The following CABLES2 variants were observed in gnomAD, a reference collection of about 807,000 sequenced individuals.
CABLES2 encodes the protein Cdk5 and Abl enzyme substrate 2.
A neutral mutation model predicts 44.8 loss-of-function variants in CABLES2; 35 were observed. That is an observed-to-expected ratio of 0.78 (90% confidence interval 0.60 to 1.04). CABLES2 has a LOEUF of 1.04. Among genes scored for constraint, CABLES2 ranks in the 50% least tolerant of loss-of-function variants. The probability of loss-of-function intolerance (pLI) is 0.00; values close to 1 mark genes in which losing one functional copy is unlikely to be tolerated. For missense variants in CABLES2, 566 were observed against 615.7 expected (o/e 0.92, Z 0.85); for synonymous variants, 282 against 281.1 (o/e 1.00, Z -0.03).
chr20:62,392,304 GCTGGAGAGAATCTACCAGAAA>G, intron 8 of CABLES2, 64 bp downstream of exon 8: 1 of 1,009,232 alleles, frequency 9.9e-7, no homozygotes, highest in Admixed American at 1.8e-5. Flanking sequence ...GACTTGTCAA[GCTGGAGAGAATCTACCAGAAA>G]CTGGAGAGGA....
chr20:62,393,644 C>G (rs372903450), intron 5 of CABLES2, 39 bp from the exon 6 acceptor site: 11 of 1,527,760 alleles, frequency 7.2e-6, no homozygotes, highest in Admixed American at 2.0e-5. Context: ...CTCTGCCTCC[C>G]GGGACCAGAG....
chr20:62,400,364 T>G (rs1201734483), intron 1 of CABLES2, among the ~76,000 whole-genome samples: 1 of 152,082 alleles, frequency 6.6e-6, no homozygotes, highest in Non-Finnish European at 1.5e-5. Flanking sequence ...TGAGGGGGTG[T>G]GTGGCAGACG....
At chr20:62,398,455 C>G (rs1315972905) in intron 1 of CABLES2, among the ~76,000 whole-genome samples, 1 of 152,054 alleles carries the variant, frequency 6.6e-6, no homozygotes, top group Non-Finnish European at 1.5e-5. Context: ...ATGGGGCATT[C>G]TCAGCGTGTC....
At position 62,393,601 on chromosome 20, in the gene CABLES2, A is replaced by G; in HGVS notation, c.719T>C (p.Val240Ala). Residue 240 changes from valine to alanine, a missense_variant, in exon 6 of 10, where the codon GTG becomes GCG. By Grantham distance (64) the Val-to-Ala change is moderately conservative. Transcript: ENST00000279101. Reference sequence around the variant, plus strand: ...GGGATACAGGAACTTCGCATAAGACACGACCTGGAAAAGCAAATGCATCTG... The same window carrying G: ...GGGATACAGGAACTTCGCATAAGACGCGACCTGGAAAAGCAAATGCATCTG... ...GVELGADGKV[V>A]SYAKFLYPTN... 1 of 1,579,430 alleles carries G rather than the reference A, an allele frequency of 6.3e-7. No individual in the cohort carries two copies. Among genetic ancestry groups the G allele is most frequent in the South Asian group, 1.2e-5 (1 of 86,726 alleles).
chr20:62,398,157 A>ATGG (rs1988100145), intron 1 of CABLES2, among the ~76,000 whole-genome samples: 1 of 37,314 alleles, frequency 2.7e-5, no homozygotes, highest in South Asian at 8.3e-4. Flanking sequence ...GGTGGTGGTG[A>ATGG]CGGTGATGGT....
chr20:62,397,927 T>TGGTAGTGGTGATGGC lies in CABLES2; in HGVS notation c.363-1336_363-1335insGCCATCACCACTACC, dbSNP rs1555890653. Among the ~76,000 whole-genome samples, 4 of 100,244 alleles carry TGGTAGTGGTGATGGC rather than the reference T, an allele frequency of 4.0e-5. No homozygotes were observed. The East Asian group carries it at 9.5e-4, about 24-fold the overall frequency. The allele number at this position is 100,244 out of a possible 152,430, so 65.8% of individuals were successfully genotyped here. A position where few individuals can be genotyped will look rare whatever the true frequency, so the allele number is the denominator to read the frequency against. On this transcript the variant is annotated intron_variant, in intron 1 of 9. Coordinates refer to ENST00000279101, the MANE Select transcript of CABLES2 (RefSeq NM_031215.3). ...GTGATGGTGATGGCAGTGGTGATGG[T>TGGTAGTGGTGATGGC]GGTGGTGGTGATGGTGGTGACGGTA... is the stretch of plus-strand genomic sequence containing the variant.
Position 62,393,610 on chromosome 20 carries a change from A to G in CABLES2, c.715-5T>C. 6.4e-7 allele frequency: 1 copy of G among 1,572,860 alleles called. No homozygotes were observed. The highest frequency in any genetic ancestry group is 1.2e-5 in the South Asian group (1 of 85,628). On this transcript the variant is annotated splice_region_variant and splice_polypyrimidine_tract_variant and intron_variant, in intron 5 of 9. Coordinates refer to ENST00000279101, the MANE Select transcript of CABLES2 (RefSeq NM_031215.3). Reference sequence around the variant, plus strand: ...GAACTTCGCATAAGACACGACCTGGAAAAGCAAATGCATCTGGCCTCAGCT... The same window carrying G: ...GAACTTCGCATAAGACACGACCTGGGAAAGCAAATGCATCTGGCCTCAGCT...
intron 1 of CABLES2, among the ~76,000 whole-genome samples, chr20:62,398,181 G>GTGGTGACGGTGATGATGGTGA (rs1569017802): frequency 7.1e-5 from 4 of 55,970 alleles, no homozygotes; most frequent in Non-Finnish European, 1.2e-4. Flanking sequence ...AATGGTGGTG[G>GTGGTGACGGTGATGATGGTGA]TGGTGATGGT....
At chr20:62,400,632 C>A (rs928277798) in intron 1 of CABLES2, among the ~76,000 whole-genome samples, 1 of 152,182 alleles carries the variant, frequency 6.6e-6, no homozygotes, top group Non-Finnish European at 1.5e-5. Flanking sequence ...CCAGGGGATG[C>A]CTGGGTATTT....
chr20:62,391,675 G>A lies in CABLES2; in HGVS notation c.1092-222C>T, dbSNP rs1352228698. On this transcript the variant is annotated intron_variant, in intron 8 of 9. Transcript: ENST00000279101. The surrounding 1 kb of genome is among the most constrained non-coding windows in gnomAD (Gnocchi z 5.7). ...GCTGGGTTTTGGCTTCCCCCGTCCC[G>A]TGGGTGGGCACCCATGGCAGCTCCC... is the stretch of plus-strand genomic sequence containing the variant. 2.6e-5 allele frequency among the ~76,000 whole-genome samples: 4 copies of A among 152,132 alleles called. No individual in the cohort carries two copies. The highest frequency in any genetic ancestry group is 7.2e-5 in the African/African-American group (3 of 41,436).
At chr20:62,397,987 T>TGAC (rs1472414265) in intron 1 of CABLES2, among the ~76,000 whole-genome samples, 4 of 41,274 alleles carry the variant, frequency 9.7e-5, no homozygotes, top group Middle Eastern at 0.021. Flanking sequence ...GTGATGGCGG[T>TGAC]GGTGGTGATG....
intron 1 of CABLES2, among the ~76,000 whole-genome samples, chr20:62,401,901 G>A (rs188910104): frequency 6.6e-6 from 1 of 152,340 alleles, no homozygotes; most frequent in Admixed American, 6.5e-5. Context: ...TCCAAAACAT[G>A]CAAGGAACAA....
rs1365270055 is a variant in CABLES2, at chr20:62,407,248, G to A, written c.29C>T (p.Pro10Leu). 36 of 743,412 alleles carry A rather than the reference G, an allele frequency of 4.8e-5. No homozygotes were observed. The highest frequency in any genetic ancestry group is 1.3e-4 in the Admixed American group (2 of 15,398). The allele number at this position is 743,412 out of a possible 1,614,324, so 46.1% of individuals were successfully genotyped here. A position where few individuals can be genotyped will look rare whatever the true frequency, so the allele number is the denominator to read the frequency against. ...CCCGGCGGGGCCGGGGGCCGGGCCCGGGGCTCCACCGGCCGCGGCCGCGGC... is the reference window on the plus strand; with the variant it reads ...CCCGGCGGGGCCGGGGGCCGGGCCCAGGGCTCCACCGGCCGCGGCCGCGGC... MAAAAAGGAPGPAPGPAGPP... is the reference protein window; with the variant it reads MAAAAAGGALGPAPGPAGPP... The change falls in exon 1 of 10, where the codon CCG becomes CTG. Residue 10 changes from proline (P) to leucine (L), a missense_variant. Transcript: ENST00000279101.
In CABLES2 at chr20:62,397,954, T is replaced by C. The variant is rs1240906888; in HGVS notation, c.363-1362A>G. On this transcript the variant is annotated intron_variant, in intron 1 of 9. Coordinates refer to ENST00000279101, the MANE Select transcript of CABLES2 (RefSeq NM_031215.3). The stretch of plus-strand genomic sequence containing the variant: ...GTGGTGGTGATGGTGGTGACGGTAG[T>C]GGTGGTGATGGTGGTGACAGTGGTG... Among the ~76,000 whole-genome samples, 10 of 123,940 alleles carry C rather than the reference T, an allele frequency of 8.1e-5. 1 individual carries two copies. The highest frequency in any genetic ancestry group is 6.4e-4 in the Admixed American group (8 of 12,474). The allele number at this position is 123,940 out of a possible 152,430, so 81.3% of individuals were successfully genotyped here.
Position 62,396,198 on chromosome 20 carries a change from G to C in CABLES2, c.527+117C>G. On this transcript the variant is annotated intron_variant, in intron 3 of 9. Transcript: ENST00000279101. The surrounding 1 kb of genome is among the most constrained non-coding windows in gnomAD (Gnocchi z 5.7). The stretch of plus-strand genomic sequence containing the variant: ...GAGGGCCCACCTCTAGAGGTGTGGA[G>C]TGTGGGGTGGGCGGGAGCTTTGGGA... 1.2e-6 allele frequency: 1 copy of C among 838,158 alleles called. No homozygotes were observed. Among genetic ancestry groups the C allele is most frequent in the Non-Finnish European group, 2.0e-6 (1 of 495,646 alleles). 51.9% of individuals were successfully genotyped at this position (838,158 alleles called of 1,614,324 possible).
At chr20:62,400,234 G>C (rs1327794279) in intron 1 of CABLES2, among the ~76,000 whole-genome samples, 1 of 152,144 alleles carries the variant, frequency 6.6e-6, no homozygotes, top group African/African-American at 2.4e-5. Context: ...GACCAGGAAG[G>C]GCTGGGGATG....
At chr20:62,397,826 G>A (rs1434483841) in intron 1 of CABLES2, among the ~76,000 whole-genome samples, 1 of 152,240 alleles carries the variant, frequency 6.6e-6, no homozygotes, top group South Asian at 2.1e-4. Context: ...GGCGTGGCAC[G>A]TCTGAGGATC....
intron 1 of CABLES2, among the ~76,000 whole-genome samples, chr20:62,398,309 GTGGTGATGGCAGTGGTGGTGACGA>G (rs1490060997): frequency 2.0e-5 from 3 of 149,266 alleles, no homozygotes; most frequent in African/African-American, 7.4e-5. Context: ...GGTGATGACG[GTGGTGATGGCAGTGGTGGTGACGA>G]TGGTGGTGAT....
rs1392401188 is a variant in CABLES2, at chr20:62,407,237, G to T, written c.40C>A (p.Pro14Thr). The T allele has an allele frequency of 3.5e-6, 3 of 845,098 alleles. No homozygotes were observed. Among genetic ancestry groups the T allele is most frequent in the Admixed American group, 6.4e-5 (1 of 15,522 alleles). The allele number at this position is 845,098 out of a possible 1,614,324, so 52.3% of individuals were successfully genotyped here. A position where few individuals can be genotyped will look rare whatever the true frequency, so the allele number is the denominator to read the frequency against. Residue 14 changes from proline to threonine, a missense_variant, in exon 1 of 10, where the codon CCC becomes ACC. Physicochemically the swap from Pro to Thr is conservative, Grantham distance 38. Around this residue, in one of 2 missense-constraint regions of CABLES2, gnomAD observed 130 missense variants for 79.4 expected, o/e 1.64. Transcript: ENST00000279101. ...AAAGGAPGPA[P>T]GPAGPPPPAA... ...GGTGGCGGGGGCCCGGCGGGGCCGGGGGCCGGGCCCGGGGCTCCACCGGCC... is the reference window on the plus strand; with the variant it reads ...GGTGGCGGGGGCCCGGCGGGGCCGGTGGCCGGGCCCGGGGCTCCACCGGCC...
Sources: gnomAD v4.1 joint callset for allele counts (sites outside exome capture counted in the v4.1 genomes callset) on GRCh38, gnomAD v4.1.1 for gene constraint, gnomAD v4.1.1 regional missense constraint, Gnocchi (gnomAD v3.1) non-coding constraint, MANE v1.5 for transcripts, NCBI Gene and HGNC (gene_info 2026-07-23, HGNC 2026-07-21) for gene names.